RBM34: variants seen among roughly 807,000 people sequenced by gnomAD.
RBM34 encodes RNA binding motif protein 34.
A neutral mutation model predicts 44.6 loss-of-function variants in RBM34; 39 were observed. The ratio of observed to expected loss-of-function variants is 0.87; its 90% CI spans 0.68 to 1.14. The LOEUF (loss-of-function observed/expected upper bound fraction) is 1.14. RBM34 is among the 50% of genes most tolerant of loss of function. The pLI, the probability that RBM34 is intolerant of heterozygous loss-of-function variation, is 0.00. For synonymous variants in RBM34, 194 were observed against 184.0 expected (o/e 1.05, Z -0.44); for missense variants, 572 against 517.9 (o/e 1.10, Z -1.01).
intron 3 of RBM34, among the ~76,000 whole-genome samples, chr1:235,158,946 T>C (rs952771811): frequency 1.0e-4 from 15 of 149,910 alleles, no homozygotes; most frequent in African/African-American, 3.5e-4. Flanking sequence ...AGCAAGACCC[T>C]GTTTCTATTT....
intron 6 of RBM34, among the ~76,000 whole-genome samples, chr1:235,140,861 A>G (rs1661654293): frequency 6.6e-6 from 1 of 152,026 alleles, no homozygotes; most frequent in Non-Finnish European, 1.5e-5. Flanking sequence ...GCACCAATCG[A>G]CACTCTATAT....
At chr1:235,149,341 A>G (rs1374630497) in intron 5 of RBM34, among the ~76,000 whole-genome samples, 9 of 147,770 alleles carry the variant, frequency 6.1e-5, no homozygotes, top group Non-Finnish European at 3.0e-5. Context: ...GTGAGCCCAG[A>G]TGGCACCACT....
chr1:235,132,120 C>A, intron 10 of RBM34, 123 bp from the exon 11 acceptor site: 1 of 868,294 alleles, frequency 1.2e-6, no homozygotes, highest in Non-Finnish European at 1.7e-6. Flanking sequence ...CCCATCCAAT[C>A]CCAGGTGTAT....
chr1:235,139,208 T>C (rs1277209935), intron 6 of RBM34, among the ~76,000 whole-genome samples: 1 of 152,182 alleles, frequency 6.6e-6, no homozygotes, highest in East Asian at 1.9e-4. Flanking sequence ...ACCTACTGTT[T>C]TGAAGTAAGA....
chr1:235,158,764 G>C (rs1431963271), intron 3 of RBM34, among the ~76,000 whole-genome samples: 1 of 152,090 alleles, frequency 6.6e-6, no homozygotes, highest in East Asian at 1.9e-4. Flanking sequence ...AATGAAGACT[G>C]TTAGCTAGGT....
In RBM34 at chr1:235,146,903, G is replaced by C. The variant is rs144774105; in HGVS notation, c.701+1501C>G. Among the ~76,000 whole-genome samples the C allele has an allele frequency of 6.8e-3, 1,043 of 152,270 alleles. 4 individuals carry two copies. Among genetic ancestry groups the C allele is most frequent in the Non-Finnish European group, 0.011 (746 of 68,028 alleles). On this transcript the variant is annotated intron_variant, in intron 6 of 10. Coordinates refer to ENST00000408888, the MANE Select transcript of RBM34 (RefSeq NM_015014.4). ...CCCAAAGTGCTGGGATTACAGGTGT[G>C]AGCCACCACAGCCAGCCATCATTAA...
At chr1:235,152,377 A>G in intron 5 of RBM34, 1 of 677,012 alleles carries the variant, frequency 1.5e-6, no homozygotes, top group Non-Finnish European at 1.9e-6. Flanking sequence ...ACATAGGAAG[A>G]GAATGCCTAG....
intron 3 of RBM34, among the ~76,000 whole-genome samples, chr1:235,158,501 G>GACA (rs1407560889): frequency 1.4e-5 from 1 of 69,872 alleles, no homozygotes; most frequent in African/African-American, 8.7e-5. Flanking sequence ...TCCCTAAAAA[G>GACA]GCAGAACATA....
chr1:235,159,022 G>A (rs1276036003), intron 3 of RBM34, among the ~76,000 whole-genome samples: 1 of 151,442 alleles, frequency 6.6e-6, no homozygotes, highest in Admixed American at 6.6e-5. Context: ...CGACCAGCCT[G>A]GGCAACATGG....
chr1:235,136,010 T>C (rs764345663), intron 9 of RBM34, 24 bp downstream of exon 9: 56 of 1,522,712 alleles, frequency 3.7e-5, no homozygotes, highest in Non-Finnish European at 4.8e-5. Context: ...TAATATTAAC[T>C]GTACTTTGTT....
chr1:235,160,257 AAAC>A, intron 3 of RBM34: 2 of 607,046 alleles, frequency 3.3e-6, no homozygotes, highest in Non-Finnish European at 6.1e-6. Context: ...ATCTCAAAAC[AAAC>A]AAAAACAAAT....
In RBM34 at chr1:235,155,027, TAACACCAGG is replaced by T; in HGVS notation, c.442_450del (p.Pro148_Val150del). On this transcript the variant is annotated inframe_deletion, in exon 4 of 11. Coordinates refer to ENST00000408888, the MANE Select transcript of RBM34 (RefSeq NM_015014.4). ...TCAAGTATTTTTCTATCTGCTACTT[TAACACCAGG>T]TTGAGAATTTTTCCTTTTCTGCCCT... The T allele has an allele frequency of 6.2e-7, 1 of 1,614,142 alleles. No homozygotes were observed. The highest frequency in any genetic ancestry group is 8.5e-7 in the Non-Finnish European group (1 of 1,180,014).
At chr1:235,135,875 G>T in intron 9 of RBM34, 105 bp from the exon 10 acceptor site, 1 of 1,251,864 alleles carries the variant, frequency 8.0e-7, no homozygotes, top group Non-Finnish European at 1.2e-6. Context: ...ATGAAAATAA[G>T]CCATTATATT....
chr1:235,161,055 G>C lies in RBM34; in HGVS notation c.66C>G (p.Asp22Glu). 1.9e-6 allele frequency: 3 copies of C among 1,613,834 alleles called. No homozygotes were observed. The highest frequency in any genetic ancestry group is 1.7e-6 in the Non-Finnish European group (2 of 1,179,846). ...KRSVQEGENP[D>E]DGVRGSPPED... ...CCGGCGGACTCCCGCGAACGCCGTC[G>C]TCAGGATTCTCTCTAGAAATGGACG... Residue 22 changes from aspartate (D) to glutamate (E), a missense_variant, in exon 2 of 11, where the codon GAC (aspartate) becomes GAG (glutamate). By Grantham distance (45) the Asp-to-Glu change is conservative. Transcript: ENST00000408888.
intron 5 of RBM34, among the ~76,000 whole-genome samples, chr1:235,149,226 G>A (rs551683854): frequency 4.6e-5 from 7 of 151,404 alleles, no homozygotes; most frequent in Non-Finnish European, 8.8e-5. Context: ...ATCTCTACTA[G>A]AAATACAAAA....
chr1:235,151,488 G>A (rs945839008), intron 5 of RBM34, among the ~76,000 whole-genome samples: 1 of 152,168 alleles, frequency 6.6e-6, no homozygotes, highest in East Asian at 1.9e-4. Context: ...TTTGGGTAAC[G>A]TCTACTTCTA....
At chr1:235,142,186 G>A (rs1558140951) in intron 6 of RBM34, among the ~76,000 whole-genome samples, 1 of 152,122 alleles carries the variant, frequency 6.6e-6, no homozygotes, top group African/African-American at 2.4e-5. Context: ...CCCTGATCAG[G>A]TGCACTCCTG....
Position 235,160,566 on chromosome 1 carries a change from T to C in RBM34, c.310A>G (p.Lys104Glu), listed in dbSNP as rs1014382139. 4 of 1,614,132 alleles carry C rather than the reference T, an allele frequency of 2.5e-6. No homozygotes were observed. The South Asian group carries it at 4.4e-5, about 18-fold the overall frequency. Residue 104 changes from lysine (K) to glutamate (E), a missense_variant, in exon 3 of 11, where the codon AAA becomes GAA. Transcript: ENST00000408888. ...TGTTTCTTCTTCGCTTTCACTTTTT[T>C]GGCAGGTTCTTGCGAAAGTGGTCTT... ...IERPLSQEPAKKVKAKKKHTN... is the reference protein window; with the variant it reads ...IERPLSQEPAEKVKAKKKHTN...
chr1:235,152,623 A>G, intron 5 of RBM34, 83 bp downstream of exon 5: 1 of 1,559,112 alleles, frequency 6.4e-7, no homozygotes, highest in Non-Finnish European at 8.6e-7. Flanking sequence ...GTGCTTCACC[A>G]TCTCACTAAC....
Sources: allele counts gnomAD v4.1 joint callset (sites outside exome capture counted in the v4.1 genomes callset), GRCh38; gene constraint gnomAD v4.1.1; transcripts MANE v1.5; gene names NCBI Gene and HGNC (gene_info 2026-07-23, HGNC 2026-07-21).